Variants in SCN8A observed in about 807,000 individuals in gnomAD.
The protein encoded by SCN8A is sodium voltage-gated channel alpha subunit 8, also known as sodium channel protein type 8 subunit alpha.
In SCN8A, 30 loss-of-function variants were observed where a neutral mutation model predicts 184.1. That is an observed-to-expected ratio of 0.16 (90% CI 0.12 to 0.22). The LOEUF is 0.22. SCN8A is among the 10% of genes least tolerant of loss of function. The pLI is 1.00. For synonymous variants in SCN8A, 852 were observed against 907.0 expected, an observed-to-expected ratio of 0.94 and a Z score of 1.09; for missense variants, 1,057 against 2,498.9, an observed-to-expected ratio of 0.42 and a Z score of 12.30.
intron 1 of SCN8A, among the ~76,000 whole-genome samples, chr12:51,617,397 A>G (rs1276180179): frequency 2.0e-5 from 3 of 152,168 alleles, no homozygotes; most frequent in East Asian, 3.8e-4. Flanking sequence ...AGCCCATCCA[A>G]TGAATTTTAA....
intron 5 of SCN8A, among the ~76,000 whole-genome samples, 154 bp downstream of exon 5, chr12:51,687,373 TCTTG>T (rs1332599480): frequency 6.6e-6 from 1 of 152,160 alleles, no homozygotes; most frequent in African/African-American, 2.4e-5. Context: ...TGTCTATGAT[TCTTG>T]CTTGTGAGGG....
Position 51,774,705 on chromosome 12 carries a change from C to T in SCN8A, c.3819+343C>T, listed in dbSNP as rs537116672. On this transcript the variant is annotated intron_variant, in intron 20 of 26. Coordinates refer to ENST00000627620, the MANE Select transcript of SCN8A (RefSeq NM_001330260.2). ...TTCTTGCCCCAGGCCAGCAGGATGTCTTCTTTTTGTGGCTGGGAGAAGGGG... is the reference window on the plus strand; with the variant it reads ...TTCTTGCCCCAGGCCAGCAGGATGTTTTCTTTTTGTGGCTGGGAGAAGGGG... Among the ~76,000 whole-genome samples, 8 of 152,224 alleles carry T rather than the reference C, an allele frequency of 5.3e-5. 1 individual carries two copies. Among genetic ancestry groups the T allele is most frequent in the Admixed American group, 1.3e-4 (2 of 15,292 alleles).
At position 51,721,531 on chromosome 12, in the gene SCN8A, T is replaced by C. The variant is rs1470314588; in HGVS notation, c.1636-15T>C. 6.3e-7 allele frequency: 1 copy of C among 1,585,624 alleles called. No homozygotes were observed. The highest frequency in any genetic ancestry group is 8.6e-7 in the Non-Finnish European group (1 of 1,164,818). On this transcript the variant is annotated splice_polypyrimidine_tract_variant and intron_variant, in intron 11 of 26. Coordinates refer to ENST00000627620, the MANE Select transcript of SCN8A (RefSeq NM_001330260.2). ...ATTTCCCCGTCCCTCTCTCTTTCCC[T>C]GTCTGCCCCTGCAGTCACTGCTCAG...
chr12:51,721,100 TATATATAA>T (rs1306336755), intron 11 of SCN8A, among the ~76,000 whole-genome samples: 26 of 109,452 alleles, frequency 2.4e-4, no homozygotes, highest in African/African-American at 8.3e-4. Flanking sequence ...TATATATATA[TATATATAA>T]TATTTATTTA....
intron 1 of SCN8A, among the ~76,000 whole-genome samples, chr12:51,602,998 CTTTTG>C (rs1939501170): frequency 6.6e-6 from 1 of 152,092 alleles, no homozygotes; most frequent in African/African-American, 2.4e-5. Flanking sequence ...TTTTAAACAG[CTTTTG>C]TTTTATTTTT....
intron 11 of SCN8A, among the ~76,000 whole-genome samples, chr12:51,710,937 A>G (rs1179866335): frequency 1.3e-5 from 2 of 152,246 alleles, no homozygotes; most frequent in Non-Finnish European, 2.9e-5. Flanking sequence ...CTCTCTAAAT[A>G]AAGTGTTAAA....
intron 1 of SCN8A, among the ~76,000 whole-genome samples, chr12:51,626,799 T>C (rs1940088115): frequency 6.7e-6 from 1 of 150,344 alleles, no homozygotes; most frequent in Admixed American, 6.6e-5. Context: ...TATTTATTTA[T>C]ATTAAATTAT....
intron 1 of SCN8A, among the ~76,000 whole-genome samples, chr12:51,608,289 C>T (rs1939642753): frequency 2.0e-5 from 3 of 152,046 alleles, no homozygotes; most frequent in Admixed American, 1.3e-4. Flanking sequence ...GGATTACAGG[C>T]GTGAGCCACC....
At chr12:51,778,696 A>G (rs969813800) in intron 20 of SCN8A, among the ~76,000 whole-genome samples, 9 of 152,174 alleles carry the variant, frequency 5.9e-5, no homozygotes, top group Non-Finnish European at 1.0e-4. Flanking sequence ...TGTGTGTGCA[A>G]TTCACAGACA....
chr12:51,677,502 GTTCA>G (rs1941243101), intron 2 of SCN8A, among the ~76,000 whole-genome samples: 1 of 152,134 alleles, frequency 6.6e-6, no homozygotes, highest in African/African-American at 2.4e-5. Context: ...GACTGTGTGT[GTTCA>G]TTGTTTTGCA....
chr12:51,738,177 A>G (rs1488250103), intron 12 of SCN8A, among the ~76,000 whole-genome samples: 1 of 152,224 alleles, frequency 6.6e-6, no homozygotes, highest in Admixed American at 6.5e-5. Context: ...TACCAGGGAC[A>G]TACCCCATTT....
At chr12:51,794,002 C>T (rs144989069) in intron 25 of SCN8A, among the ~76,000 whole-genome samples, 14 of 152,080 alleles carry the variant, frequency 9.2e-5, no homozygotes, top group African/African-American at 3.4e-4. Flanking sequence ...AAAAATTAGC[C>T]GGACGTGGTG....
At position 51,769,154 on chromosome 12, in the gene SCN8A, A is replaced by G; in HGVS notation, c.3191A>G (p.Asn1064Ser). The G allele has an allele frequency of 1.2e-6, 2 of 1,613,544 alleles. No individual in the cohort carries two copies. The highest frequency in any genetic ancestry group is 1.7e-6 in the Non-Finnish European group (2 of 1,179,676). Residue 1064 changes from asparagine to serine, a missense_variant, in exon 17 of 27, where the codon AAT (asparagine) becomes AGT (serine). Around this residue, in one of 19 missense-constraint regions of SCN8A, gnomAD observed 178 missense variants for 259.6 expected, o/e 0.69. Transcript: ENST00000627620. ...AATGGTGACTTCCAGAAGAATGGCA[A>G]TGGCACAACCAGCGGCATTGGCAGC... is the stretch of plus-strand genomic sequence containing the variant. ...HRNGDFQKNGNGTTSGIGSSV... is the reference protein window; with the variant it reads ...HRNGDFQKNGSGTTSGIGSSV...
rs531253719 is a variant in SCN8A, at chr12:51,683,084, GA to G, written c.277-1083del. ...CTCTTTTTTATTTCCCAGCCAAGGG[GA>G]AAAAAATCTCTCCCTCCTGCTGCCT... On this transcript the variant is annotated intron_variant, in intron 2 of 26. Transcript: ENST00000627620. Among the ~76,000 whole-genome samples the G allele has an allele frequency of 7.9e-5, 12 of 151,954 alleles. 1 individual carries two copies. The highest frequency in any genetic ancestry group is 7.7e-4 in the East Asian group (4 of 5,206).
chr12:51,701,063 G>T, intron 7 of SCN8A, 81 bp from the exon 8 acceptor site: 1 of 888,114 alleles, frequency 1.1e-6, no homozygotes, highest in South Asian at 1.5e-5. Flanking sequence ...TTCTGCTGGG[G>T]CTAGTTAGGA....
At chr12:51,714,246 C>T (rs3900362) in intron 11 of SCN8A, among the ~76,000 whole-genome samples, 115,076 of 152,154 alleles carry the variant, frequency 0.76, 45,965 homozygotes, top group East Asian at 0.9. Context: ...TTAGTTGTGA[C>T]GTGGAAACTA....
In SCN8A at chr12:51,806,775, C is replaced by T; in HGVS notation, c.5289C>T (p.Ala1763=). 1 of 1,614,186 alleles carries T rather than the reference C, an allele frequency of 6.2e-7. No homozygotes were observed. The highest frequency in any genetic ancestry group is 8.5e-7 in the Non-Finnish European group (1 of 1,180,020). ...SFLIVVNMYI[A]IILENFSVAT... ...TAATTGTCGTGAACATGTACATTGC[C>T]ATCATCCTGGAGAACTTCAGTGTAG... The change falls in exon 27 of 27, where the codon GCC becomes GCT. Residue 1763 remains alanine, a synonymous_variant. Transcript: ENST00000627620. The surrounding 1 kb of genome is among the most constrained non-coding windows in gnomAD (Gnocchi z 8.7).
Position 51,662,770 on chromosome 12 carries a change from C to T in SCN8A, c.-48C>T. On this transcript the variant is annotated 5_prime_UTR_variant, in exon 2 of 27. Transcript: ENST00000627620. ...GTGTTGCTGTTTCTTCCAGAGCTGA[C>T]CTGTCCTGGACGCAGCATAACTAAC... 1 of 1,587,484 alleles carries T rather than the reference C, an allele frequency of 6.3e-7. No homozygotes were observed. The highest frequency in any genetic ancestry group is 1.1e-5 in the South Asian group (1 of 87,976).
chr12:51,779,105 C>T (rs956072326), intron 20 of SCN8A, among the ~76,000 whole-genome samples: 2 of 151,838 alleles, frequency 1.3e-5, no homozygotes, highest in Admixed American at 6.6e-5. Flanking sequence ...ATCCAAGCTA[C>T]TCACCCAGGA....
Sources: allele counts gnomAD v4.1 joint callset (sites outside exome capture counted in the v4.1 genomes callset), GRCh38; gene constraint gnomAD v4.1.1; regional missense constraint gnomAD v4.1.1; non-coding constraint Gnocchi (gnomAD v3.1); transcripts MANE v1.5; gene names NCBI Gene and HGNC (gene_info 2026-07-23, HGNC 2026-07-21).